Variants in KLHL29 observed in about 807,000 individuals in gnomAD.
KLHL29 encodes kelch like family member 29.
A neutral mutation model predicts 80.4 loss-of-function variants in KLHL29; 21 were observed. The ratio of observed to expected loss-of-function variants is 0.26; its 90% CI spans 0.19 to 0.38. The LOEUF (loss-of-function observed/expected upper bound fraction) is 0.38, where lower values mean the gene tolerates loss of function less well. KLHL29 is among the 10% of genes least tolerant of loss of function. The probability of loss-of-function intolerance (pLI) is 1.00; values close to 1 mark genes in which losing one functional copy is unlikely to be tolerated. For missense variants in KLHL29, 867 were observed against 1,223.9 expected (o/e 0.71, Z 4.35); for synonymous variants, 511 against 526.8 (o/e 0.97, Z 0.41).
intron 2 of KLHL29, among the ~76,000 whole-genome samples, chr2:23,533,673 A>AC (rs1240940970): frequency 6.6e-6 from 1 of 151,414 alleles, no homozygotes; most frequent in Non-Finnish European, 1.5e-5. Context: ...CAGTGTGAGG[A>AC]CCCCCCACTC....
At chr2:23,547,196 G>C (rs1460382526) in intron 2 of KLHL29, among the ~76,000 whole-genome samples, 1 of 152,196 alleles carries the variant, frequency 6.6e-6, no homozygotes, top group Non-Finnish European at 1.5e-5. Context: ...CCGCTCCCTG[G>C]CCACTCTGGG....
intron 11 of KLHL29, among the ~76,000 whole-genome samples, chr2:23,701,029 A>G (rs527403961): frequency 1.3e-5 from 2 of 149,324 alleles, no homozygotes; most frequent in East Asian, 3.9e-4. Flanking sequence ...TCCACACCCA[A>G]ATATCTGACT....
intron 2 of KLHL29, among the ~76,000 whole-genome samples, chr2:23,479,659 G>A (rs1182975259): frequency 2.6e-5 from 4 of 152,146 alleles, no homozygotes; most frequent in African/African-American, 9.7e-5. Flanking sequence ...GATCCCTGCT[G>A]TCTGATTCAC....
intron 5 of KLHL29, among the ~76,000 whole-genome samples, chr2:23,648,134 C>A (rs1208776373): frequency 1.3e-5 from 2 of 152,094 alleles, no homozygotes; most frequent in Non-Finnish European, 2.9e-5. Flanking sequence ...ACCCACGCCT[C>A]TGGGGACAGA....
chr2:23,690,394 C>T (rs1671512166), intron 6 of KLHL29: 1 of 152,258 alleles, frequency 6.6e-6, no homozygotes, highest in African/African-American at 2.4e-5. Context: ...CTCCCTGCCC[C>T]CTGCTCTTTC....
intron 2 of KLHL29, among the ~76,000 whole-genome samples, chr2:23,550,848 C>G (rs1175326572): frequency 6.6e-6 from 1 of 152,224 alleles, no homozygotes; most frequent in South Asian, 2.1e-4. Context: ...GAAGAGGGAG[C>G]TTGTTGAATT....
At chr2:23,538,297 T>G (rs532585032) in intron 2 of KLHL29, among the ~76,000 whole-genome samples, 1 of 152,198 alleles carries the variant, frequency 6.6e-6, no homozygotes, top group Admixed American at 6.5e-5. Context: ...GACCACACTT[T>G]GAGAAACAAA....
At chr2:23,537,656 TG>T (rs1666712566) in intron 2 of KLHL29, among the ~76,000 whole-genome samples, 1 of 152,170 alleles carries the variant, frequency 6.6e-6, no homozygotes, top group South Asian at 2.1e-4. Flanking sequence ...AGGCCCCATC[TG>T]GGTATTTGGG....
At chr2:23,599,495 A>C (rs1358567838) in intron 3 of KLHL29, among the ~76,000 whole-genome samples, 1 of 151,138 alleles carries the variant, frequency 6.6e-6, no homozygotes, top group African/African-American at 2.4e-5. Context: ...AATATAATGA[A>C]ATATAAATAT....
At chr2:23,441,455 T>C (rs1663519567) in intron 1 of KLHL29, among the ~76,000 whole-genome samples, 1 of 151,734 alleles carries the variant, frequency 6.6e-6, no homozygotes, top group Non-Finnish European at 1.5e-5. Context: ...ATTGTGCACA[T>C]GTACCCTAAA....
In KLHL29 at chr2:23,596,757, G is replaced by A. The variant is rs909893440; in HGVS notation, c.285+34276G>A. 6.6e-6 allele frequency among the ~76,000 whole-genome samples: 1 copy of A among 152,182 alleles called. No homozygotes were observed. Among genetic ancestry groups the A allele is most frequent in the Non-Finnish European group, 1.5e-5 (1 of 68,020 alleles). On this transcript the variant is annotated intron_variant, in intron 3 of 13. Coordinates refer to ENST00000486442, the MANE Select transcript of KLHL29 (RefSeq NM_052920.2). This position sits in a 1 kb window ranked among gnomAD's most constrained non-coding sequence, Gnocchi z 4.4. The stretch of plus-strand genomic sequence containing the variant: ...AGAGCCATCTCTTACACACAACGGC[G>A]AAATTATTTTCTTCATCTCAGAAAC...
intron 1 of KLHL29, among the ~76,000 whole-genome samples, chr2:23,443,667 T>C (rs1572517085): frequency 6.6e-6 from 1 of 152,232 alleles, no homozygotes; most frequent in African/African-American, 2.4e-5. Flanking sequence ...TAGATGCAGG[T>C]TATGCACTTT....
At chr2:23,442,081 T>G (rs1201731442) in intron 1 of KLHL29, among the ~76,000 whole-genome samples, 1 of 152,138 alleles carries the variant, frequency 6.6e-6, no homozygotes, top group Non-Finnish European at 1.5e-5. Context: ...GGGCTCAGTG[T>G]AATCACCAGG....
At chr2:23,467,157 T>G (rs369121021) in intron 1 of KLHL29, among the ~76,000 whole-genome samples, 5 of 152,222 alleles carry the variant, frequency 3.3e-5, no homozygotes, top group African/African-American at 1.2e-4. Context: ...GGCTCCATGA[T>G]GGGTACCTCC....
intron 1 of KLHL29, among the ~76,000 whole-genome samples, chr2:23,438,961 G>A (rs1056543305): frequency 1.4e-5 from 2 of 146,620 alleles, no homozygotes; most frequent in South Asian, 2.3e-4. Context: ...TGGTAGGTAA[G>A]CTATTGATTA....
intron 13 of KLHL29, 79 bp from the exon 14 acceptor site, chr2:23,706,402 G>A: frequency 8.5e-7 from 1 of 1,172,418 alleles, no homozygotes; most frequent in African/African-American, 1.6e-5. Flanking sequence ...GCCTACAACA[G>A]GACACGACGT....
intron 2 of KLHL29, among the ~76,000 whole-genome samples, chr2:23,478,823 C>CAT (rs532702941): frequency 5.5e-4 from 84 of 152,198 alleles, no homozygotes; most frequent in African/African-American, 2.0e-3. Flanking sequence ...CCCTAGATGC[C>CAT]GCCTGTGTCT....
In KLHL29 at chr2:23,684,664, TC is replaced by T. The variant is rs1671185862; in HGVS notation, c.1079+129del. 4 of 16,934 alleles carry T rather than the reference TC, an allele frequency of 2.4e-4. No individual in the cohort carries two copies. The highest frequency in any genetic ancestry group is 9.2e-4 in the Non-Finnish European group (4 of 4,366). 1.0% of individuals were successfully genotyped at this position (16,934 alleles called of 1,614,324 possible). A position where few individuals can be genotyped will look rare whatever the true frequency, so the allele number is the denominator to read the frequency against. Reference sequence around the variant, plus strand: ...CTGTCACAGAGCCAGTAGCCATCTCTCCTCCTCCTCCTCCTCCTCCTCCCCA... The same window carrying T: ...CTGTCACAGAGCCAGTAGCCATCTCTCTCCTCCTCCTCCTCCTCCTCCCCA... On this transcript the variant is annotated intron_variant, in intron 6 of 13. Transcript: ENST00000486442. The surrounding 1 kb of genome is among the most constrained non-coding windows in gnomAD (Gnocchi z 4.4).
At chr2:23,673,455 A>T (rs1027732503) in intron 5 of KLHL29, among the ~76,000 whole-genome samples, 3 of 144,536 alleles carry the variant, frequency 2.1e-5, no homozygotes, top group East Asian at 2.1e-4. Flanking sequence ...TGTCTCTCTC[A>T]CACATACACA....
Sources: allele counts gnomAD v4.1 joint callset (sites outside exome capture counted in the v4.1 genomes callset), GRCh38; gene constraint gnomAD v4.1.1; non-coding constraint Gnocchi (gnomAD v3.1); transcripts MANE v1.5; gene names NCBI Gene and HGNC (gene_info 2026-07-23, HGNC 2026-07-21).